The following TNRC6B variants were observed in gnomAD, a reference collection of about 807,000 sequenced individuals.
TNRC6B encodes the protein trinucleotide repeat containing adaptor 6B, also known as trinucleotide repeat-containing gene 6B protein.
In TNRC6B, 52 loss-of-function variants were observed where a neutral mutation model predicts 203.6. That is an observed-to-expected ratio of 0.26 (90% CI 0.20 to 0.32). The LOEUF (loss-of-function observed/expected upper bound fraction) is 0.32, where lower values mean the gene tolerates loss of function less well. Among genes scored for constraint, TNRC6B ranks in the 10% least tolerant of loss-of-function variants. The pLI is 1.00. For synonymous variants in TNRC6B, 838 were observed against 845.7 expected (o/e 0.99, Z 0.16); for missense variants, 1,923 against 2,286.2 (o/e 0.84, Z 3.24).
At position 40,099,851 on chromosome 22, in the gene TNRC6B, C is replaced by T. The variant is rs374320974; in HGVS notation, c.-120-17204C>T. Among the ~76,000 whole-genome samples, 21 of 151,320 alleles carry T rather than the reference C, an allele frequency of 1.4e-4. 2 individuals are homozygous for T. The highest frequency in any genetic ancestry group is 9.9e-4 in the Admixed American group (15 of 15,200). ...CTACAAGCTCCGCCTCTCGGGCTCA[C>T]GCCATTCTCCTTCCTCAGCCTCCCG... is the stretch of plus-strand genomic sequence containing the variant. On this transcript the variant is annotated intron_variant, in intron 1 of 23. Coordinates refer to the TNRC6B transcript ENST00000301923.
At position 40,187,774 on chromosome 22, in the gene TNRC6B, G is replaced by A. The variant is rs545850741; in HGVS notation, c.5+9634G>A. Among the ~76,000 whole-genome samples the A allele has an allele frequency of 4.6e-5, 7 of 152,126 alleles. No individual in the cohort carries two copies. The East Asian group carries it at 9.6e-4, about 21-fold the overall frequency. ...TCATTGTGTACTTTTTGCCGACCTG[G>A]GCCAATTGAACGCATATTTACTAAA... On this transcript the variant is annotated intron_variant, in intron 1 of 22. Coordinates refer to ENST00000454349, the MANE Select transcript of TNRC6B (RefSeq NM_001162501.2).
At chr22:40,144,161 G>A (rs2068670402) in intron 3 of TNRC6B, among the ~76,000 whole-genome samples, 2 of 152,172 alleles carry the variant, frequency 1.3e-5, no homozygotes, top group African/African-American at 4.8e-5. Context: ...TGTTTCATAA[G>A]CTTCTAAATA....
chr22:40,230,798 C>CA (rs1312329817), intron 1 of TNRC6B, among the ~76,000 whole-genome samples: 2 of 151,772 alleles, frequency 1.3e-5, no homozygotes, highest in South Asian at 2.1e-4. Flanking sequence ...GGTGTTGTGT[C>CA]AAAAAAATAA....
intron 3 of TNRC6B, among the ~76,000 whole-genome samples, chr22:40,256,630 A>G (rs951910143): frequency 9.9e-5 from 15 of 152,196 alleles, no homozygotes; most frequent in African/African-American, 2.2e-4. Context: ...CACATTGTCT[A>G]TGGTGCTTTG....
At chr22:40,245,173 C>T (rs1423729060) in intron 1 of TNRC6B, among the ~76,000 whole-genome samples, 3 of 152,070 alleles carry the variant, frequency 2.0e-5, no homozygotes, top group Admixed American at 6.6e-5. Flanking sequence ...TCACTCCAAC[C>T]TCCTCTTCCC....
At chr22:40,240,767 AG>A (rs1338505528) in intron 1 of TNRC6B, among the ~76,000 whole-genome samples, 1 of 152,218 alleles carries the variant, frequency 6.6e-6, no homozygotes, top group Non-Finnish European at 1.5e-5. Flanking sequence ...ATGATCAAGT[AG>A]GACCCACCTA....
chr22:40,294,148 G>GCCTCCC, intron 12 of TNRC6B, among the ~76,000 whole-genome samples: 1 of 151,688 alleles, frequency 6.6e-6, no homozygotes, highest in Non-Finnish European at 1.5e-5. Flanking sequence ...AGTTATTTGG[G>GCCTCCC]AGGCTGAGTT....
intron 1 of TNRC6B, among the ~76,000 whole-genome samples, chr22:40,083,450 G>C (rs1199675630): frequency 6.6e-6 from 1 of 152,176 alleles, no homozygotes; most frequent in Non-Finnish European, 1.5e-5. Context: ...TTGCGTAGGA[G>C]GTGAGAAAGT....
intron 1 of TNRC6B, among the ~76,000 whole-genome samples, chr22:40,227,360 T>A (rs1345506623): frequency 1.0e-5 from 1 of 100,402 alleles, no homozygotes; most frequent in Non-Finnish European, 2.2e-5. Context: ...GAAATTACCT[T>A]TTTTTTTTTT....
intron 3 of TNRC6B, among the ~76,000 whole-genome samples, chr22:40,126,561 C>A (rs536815509): frequency 6.9e-6 from 1 of 144,156 alleles, no homozygotes; most frequent in South Asian, 2.2e-4. Context: ...ATCCCTGTTG[C>A]TACAAAGGAC....
intron 1 of TNRC6B, among the ~76,000 whole-genome samples, chr22:40,102,992 G>A (rs776931724): frequency 7.2e-4 from 109 of 152,148 alleles, no homozygotes; most frequent in Admixed American, 1.2e-3. Flanking sequence ...CAGGAGAATC[G>A]CTTGAACCAG....
intron 1 of TNRC6B, among the ~76,000 whole-genome samples, chr22:40,186,691 T>G (rs1420614683): frequency 2.7e-5 from 4 of 147,834 alleles, no homozygotes; most frequent in African/African-American, 1.0e-4. Context: ...TGAGCCGAGA[T>G]CACGCCACTG....
chr22:40,088,632 T>TGTGTG (rs2068122371), intron 1 of TNRC6B, among the ~76,000 whole-genome samples: 1 of 59,958 alleles, frequency 1.7e-5, no homozygotes, highest in African/African-American at 5.3e-5. Flanking sequence ...GTGTGTGTGT[T>TGTGTG]TTAGTAGAGA....
chr22:40,308,782 G>C, intron 16 of TNRC6B, 133 bp downstream of exon 16: 1 of 1,093,708 alleles, frequency 9.1e-7, no homozygotes, highest in South Asian at 1.7e-5. Flanking sequence ...GTGGAGGAAG[G>C]TCAGAGTCAT....
intron 3 of TNRC6B, among the ~76,000 whole-genome samples, chr22:40,153,534 A>G (rs2146349754): frequency 7.2e-6 from 1 of 139,246 alleles, no homozygotes; most frequent in East Asian, 2.0e-4. Context: ...AAAATACATA[A>G]CAAATACTAA....
At position 40,266,390 on chromosome 22, in the gene TNRC6B, C is replaced by G. The variant is rs545582167; in HGVS notation, c.2160C>G (p.Ser720=). The change falls in exon 5 of 23, where the codon TCC becomes TCG. Residue 720 remains serine, a synonymous_variant. Transcript: ENST00000454349. ...GGGRPDEKTP[S]SWNENPSKDQ... is the part of the protein sequence containing the mutation. The stretch of plus-strand genomic sequence containing the variant: ...GACGACCTGATGAAAAGACACCTTC[C>G]TCTTGGAATGAGAATCCCAGCAAGG... The G allele has an allele frequency of 1.2e-5, 20 of 1,613,750 alleles. No individual in the cohort carries two copies. In the East Asian group the frequency reaches 2.0e-4, roughly 16 times the overall value.
At chr22:40,294,217 C>T (rs1387909030) in intron 12 of TNRC6B, among the ~76,000 whole-genome samples, 2 of 152,084 alleles carry the variant, frequency 1.3e-5, no homozygotes, top group Admixed American at 6.6e-5. Flanking sequence ...CGTGCCACTG[C>T]ACTCCAGTCT....
At chr22:40,124,321 CT>C (rs545893898) in intron 2 of TNRC6B, among the ~76,000 whole-genome samples, 2,505 of 133,992 alleles carry the variant, frequency 0.019, 34 homozygotes, top group African/African-American at 0.061. Context: ...ATCTTTTTAC[CT>C]TTTTTTTTTT....
chr22:40,075,102 A>G (rs1486328596), intron 1 of TNRC6B, among the ~76,000 whole-genome samples: 1 of 140,530 alleles, frequency 7.1e-6, no homozygotes, highest in African/African-American at 2.7e-5. Context: ...TGTGCTATTA[A>G]TGTCAATTTA....
Sources: allele counts gnomAD v4.1 joint callset (sites outside exome capture counted in the v4.1 genomes callset), GRCh38; gene constraint gnomAD v4.1.1; transcripts MANE v1.5; gene names NCBI Gene and HGNC (gene_info 2026-07-23, HGNC 2026-07-21).